The following KALRN variants were observed in gnomAD, a reference collection of about 807,000 sequenced individuals.
The protein encoded by KALRN is kalirin RhoGEF kinase, also known as kalirin.
A neutral mutation model predicts 353.7 loss-of-function variants in KALRN; 70 were observed. The ratio of observed to expected loss-of-function variants is 0.20; its 90% CI spans 0.16 to 0.24. KALRN has a LOEUF of 0.24. KALRN is among the 10% of genes least tolerant of loss of function. The pLI is 1.00. For synonymous variants in KALRN, 1,391 were observed against 1,434.8 expected, an observed-to-expected ratio of 0.97 and a Z score of 0.69; for missense variants, 2,791 against 3,756.7, an observed-to-expected ratio of 0.74 and a Z score of 6.72.
At chr3:124,705,818 T>C (rs184989019) in intron 57 of KALRN, among the ~76,000 whole-genome samples, 1,863 of 131,998 alleles carry the variant, frequency 0.014, 13 homozygotes, top group Non-Finnish European at 0.023. Flanking sequence ...CTTCCTTCCT[T>C]CCTCCCTTCC....
chr3:124,518,519 A>T, intron 33 of KALRN: 1 of 1,611,960 alleles, frequency 6.2e-7, no homozygotes, highest in Non-Finnish European at 8.5e-7. Context: ...CACCGTTGGG[A>T]CCTCCCACCA....
chr3:124,536,461 C>A (rs1214403554), intron 33 of KALRN, among the ~76,000 whole-genome samples: 1 of 152,150 alleles, frequency 6.6e-6, no homozygotes, highest in Non-Finnish European at 1.5e-5. Flanking sequence ...CTCAGCCTCC[C>A]AAAATGCTGG....
Position 124,036,344 on chromosome 3 carries a change from G to T in KALRN, c.73+2531G>T, listed in dbSNP as rs576252849. ...TGGTTTTTTGTTCCTGCGTTAGTTT[G>T]CTTAAGATAACAGCCTCCACCTCCA... On this transcript the variant is annotated intron_variant, in intron 1 of 59. Transcript: ENST00000682506. 3.9e-5 allele frequency among the ~76,000 whole-genome samples: 6 copies of T among 152,134 alleles called. No homozygotes were observed. The South Asian group carries it at 1.2e-3, about 32-fold the overall frequency.
chr3:124,548,416 C>T lies in KALRN; in HGVS notation c.4936-14427C>T, dbSNP rs185219072. 8.5e-5 allele frequency among the ~76,000 whole-genome samples: 13 copies of T among 152,260 alleles called. No homozygotes were observed. In the East Asian group the frequency reaches 2.5e-3, roughly 29 times the overall value. On this transcript the variant is annotated intron_variant, in intron 33 of 59. Transcript: ENST00000682506. ...TCTAGCCCAAATATTCTAATGGGACCTACATTTTAATTATCTCCCATACTA... is the reference window on the plus strand; with the variant it reads ...TCTAGCCCAAATATTCTAATGGGACTTACATTTTAATTATCTCCCATACTA...
intron 10 of KALRN, among the ~76,000 whole-genome samples, chr3:124,369,933 A>G (rs542705857): frequency 6.6e-6 from 1 of 152,326 alleles, no homozygotes; most frequent in African/African-American, 2.4e-5. Context: ...ATGTTGTCAA[A>G]AATGACAGGA....
Position 124,483,644 on chromosome 3 carries a change from C to T in KALRN, c.4284+744C>T, listed in dbSNP as rs1036969147. On this transcript the variant is annotated intron_variant, in intron 28 of 59. Coordinates refer to ENST00000682506, the MANE Select transcript of KALRN (RefSeq NM_001388419.1). The stretch of plus-strand genomic sequence containing the variant: ...ATGGGTAGTCGAGGCCAGGGTGGCA[C>T]CTACCATTGTCTGTGTTTGTCAAGA... Among the ~76,000 whole-genome samples, 3 of 152,134 alleles carry T rather than the reference C, an allele frequency of 2.0e-5. No individual in the cohort carries two copies. The South Asian group carries it at 6.2e-4, about 32-fold the overall frequency.
chr3:124,542,538 G>A (rs904033919), intron 33 of KALRN, among the ~76,000 whole-genome samples: 1 of 152,262 alleles, frequency 6.6e-6, no homozygotes, highest in African/African-American at 2.4e-5. Flanking sequence ...TTGTACCTCT[G>A]GTTTCAGATG....
chr3:124,152,779 GT>G, intron 1 of KALRN: 1 of 316,984 alleles, frequency 3.2e-6, no homozygotes, highest in Non-Finnish European at 5.7e-6. Context: ...GTTTTTGTTT[GT>G]TTGTTTGTTT....
chr3:124,659,927 G>A (rs1027515755), intron 43 of KALRN, among the ~76,000 whole-genome samples: 1 of 148,564 alleles, frequency 6.7e-6, no homozygotes, highest in Non-Finnish European at 1.5e-5. Flanking sequence ...ATATTATAAA[G>A]TATAATATGT....
intron 11 of KALRN, among the ~76,000 whole-genome samples, chr3:124,392,611 C>CT (rs35158681): frequency 0.39 from 41,793 of 107,598 alleles, 7,284 homozygotes; most frequent in Middle Eastern, 0.45. Flanking sequence ...TTCTTTCTTT[C>CT]TTTTTTTTTT....
intron 45 of KALRN, among the ~76,000 whole-genome samples, chr3:124,664,362 T>TGCGCGCGCGCGCGC (rs199832527): frequency 8.3e-6 from 1 of 119,962 alleles, no homozygotes; most frequent in African/African-American, 3.4e-5. Flanking sequence ...TGTGTGTGTG[T>TGCGCGCGCGCGCGC]GTGTGTGTGC....
At chr3:124,494,202 C>T (rs758669466) in intron 32 of KALRN, among the ~76,000 whole-genome samples, 37 of 152,200 alleles carry the variant, frequency 2.4e-4, no homozygotes, top group Non-Finnish European at 4.7e-4. Context: ...TTTCTCTTGT[C>T]CTACAATGGG....
intron 6 of KALRN, among the ~76,000 whole-genome samples, chr3:124,311,336 G>A (rs957286601): frequency 3.0e-4 from 45 of 151,892 alleles, no homozygotes; most frequent in African/African-American, 8.4e-4. Context: ...GGTGGGGCAC[G>A]CCTATAGTCC....
intron 20 of KALRN, 35 bp from the exon 21 acceptor site, chr3:124,446,728 T>G: frequency 6.2e-7 from 1 of 1,612,806 alleles, no homozygotes; most frequent in Non-Finnish European, 8.5e-7. Context: ...GACAGCTGCC[T>G]TTTTGGGGAC....
chr3:124,186,737 A>T (rs1251558132), intron 1 of KALRN, among the ~76,000 whole-genome samples: 1 of 152,202 alleles, frequency 6.6e-6, no homozygotes, highest in Non-Finnish European at 1.5e-5. Context: ...TCCCCTAGGG[A>T]ATCATTCCTT....
intron 57 of KALRN, among the ~76,000 whole-genome samples, chr3:124,705,635 C>T (rs1342348391): frequency 1.3e-5 from 2 of 152,114 alleles, no homozygotes; most frequent in Admixed American, 6.5e-5. Flanking sequence ...AAACTGATGT[C>T]TGTGTTCAGC....
chr3:124,546,418 C>A (rs1359134576), intron 33 of KALRN, among the ~76,000 whole-genome samples: 2 of 151,980 alleles, frequency 1.3e-5, no homozygotes, highest in Non-Finnish European at 2.9e-5. Context: ...AAACCGTGGT[C>A]ATGCCACTGC....
At position 124,398,856 on chromosome 3, in the gene KALRN, G is replaced by C. The variant is rs747879072; in HGVS notation, c.2331G>C (p.Glu777Asp). 6.2e-7 allele frequency: 1 copy of C among 1,612,434 alleles called. No individual in the cohort carries two copies. The highest frequency in any genetic ancestry group is 8.5e-7 in the Non-Finnish European group (1 of 1,179,184). Reference sequence around the variant, plus strand: ...TCTTCCTGCAACTGCGCATCTTTGAGCAGTACACCATCGAGGTAGCAGGGG... The same window carrying C: ...TCTTCCTGCAACTGCGCATCTTTGACCAGTACACCATCGAGGTAGCAGGGG... ...LDIFLQLRIF[E>D]QYTIEVTAEL... The change falls in exon 13 of 60, where the codon GAG becomes GAC. Residue 777 changes from glutamate (E) to aspartate (D), a missense_variant. By Grantham distance (45) the Glu-to-Asp change is conservative. This residue lies in a region of KALRN where 452 missense variants were observed against 575.8 expected (regional missense o/e 0.78). Transcript: ENST00000682506.
intron 1 of KALRN, among the ~76,000 whole-genome samples, chr3:124,197,119 GCAAACCC>G (rs2078017861): frequency 6.6e-6 from 1 of 151,726 alleles, no homozygotes; most frequent in Non-Finnish European, 1.5e-5. Context: ...TAAAAAGATT[GCAAACCC>G]TGTCGTTTAC....
Sources: allele counts gnomAD v4.1 joint callset (sites outside exome capture counted in the v4.1 genomes callset), GRCh38; gene constraint gnomAD v4.1.1; regional missense constraint gnomAD v4.1.1; transcripts MANE v1.5; gene names NCBI Gene and HGNC (gene_info 2026-07-23, HGNC 2026-07-21).